The following IL3RA variants were observed in gnomAD, a reference collection of about 807,000 sequenced individuals.
The protein encoded by IL3RA is interleukin-3 receptor subunit alpha.
A neutral mutation model predicts 52.3 loss-of-function variants in IL3RA; 73 were observed. The ratio of observed to expected loss-of-function variants is 1.40; its 90% CI spans 1.16 to 1.70. The LOEUF is 1.70. IL3RA is among the 40% of genes most tolerant of loss of function. The pLI is 0.00. For missense variants in IL3RA, 664 were observed against 504.4 expected, an observed-to-expected ratio of 1.32 and a Z score of -3.03; for synonymous variants, 260 against 194.0, an observed-to-expected ratio of 1.34 and a Z score of -2.83.
intron 2 of IL3RA, among the ~76,000 whole-genome samples, chrX:1,344,104 T>G (rs1330857829): frequency 6.6e-6 from 1 of 151,998 alleles, no homozygotes; most frequent in East Asian, 1.9e-4. Context: ...GCTTTATGAC[T>G]TCTACCAGCT....
intron 11 of IL3RA, among the ~76,000 whole-genome samples, chrX:1,381,839 G>A (rs2089191342): frequency 6.6e-6 from 1 of 151,784 alleles, no homozygotes; most frequent in Non-Finnish European, 1.5e-5. Flanking sequence ...ACCATGCCCA[G>A]CCTAGTTTTC....
At chrX:1,352,703 C>T (rs1282806955) in intron 6 of IL3RA, among the ~76,000 whole-genome samples, 197 bp downstream of exon 6, 1 of 152,136 alleles carries the variant, frequency 6.6e-6, no homozygotes, top group East Asian at 1.9e-4. Context: ...GAGAGAGGGT[C>T]ATCTTCTCAC....
chrX:1,348,692 T>TTTCTC (rs2085921218), intron 4 of IL3RA, 147 bp downstream of exon 4: 3 of 280,480 alleles, frequency 1.1e-5, no homozygotes, highest in Non-Finnish European at 2.1e-5. Flanking sequence ...CTTTCTTTCT[T>TTTCTC]TTTCTTTCTT....
chrX:1,349,199 T>TTA (rs1211556898), intron 4 of IL3RA, among the ~76,000 whole-genome samples: 7 of 151,168 alleles, frequency 4.6e-5, no homozygotes, highest in Non-Finnish European at 1.0e-4. Flanking sequence ...TTTTTTTTTT[T>TTA]TAGACAGAGT....
intron 3 of IL3RA, among the ~76,000 whole-genome samples, chrX:1,347,400 G>A (rs866864194): frequency 7.9e-5 from 12 of 151,470 alleles, no homozygotes; most frequent in Admixed American, 3.9e-4. Context: ...AGCCGAGATC[G>A]CGCCACTGCA....
At chrX:1,342,128 T>G (rs778629013) in intron 2 of IL3RA, among the ~76,000 whole-genome samples, 1 of 152,194 alleles carries the variant, frequency 6.6e-6, no homozygotes, top group Admixed American at 6.6e-5. Context: ...AATAACAATT[T>G]CCAGTTTCCT....
intron 8 of IL3RA, among the ~76,000 whole-genome samples, chrX:1,360,621 C>A (rs1215871263): frequency 1.3e-5 from 2 of 151,938 alleles, no homozygotes; most frequent in Non-Finnish European, 2.9e-5. Context: ...CAGGTTCAAG[C>A]GAATCTACTC....
Position 1,354,878 on chromosome X carries a change from TGAG to T in IL3RA, c.617-1334_617-1332del, listed in dbSNP as rs369034801. 5.8e-3 allele frequency among the ~76,000 whole-genome samples: 59 copies of T among 10,094 alleles called. 2 individuals are homozygous for T. Among genetic ancestry groups the T allele is most frequent in the African/African-American group, 0.027 (54 of 1,964 alleles). The allele number at this position is 10,094 out of a possible 152,430, so 6.6% of individuals were successfully genotyped here. A position where few individuals can be genotyped will look rare whatever the true frequency, so the allele number is the denominator to read the frequency against. On this transcript the variant is annotated intron_variant, in intron 6 of 11. Coordinates refer to ENST00000331035, the MANE Select transcript of IL3RA (RefSeq NM_002183.4). ...AGGCGGGGGAGGGAAGAGAAGGAGG[TGAG>T]GAGGAGGAAGGGGAGGATAGAGAAG...
At chrX:1,347,780 T>A (rs1282531259) in intron 3 of IL3RA, among the ~76,000 whole-genome samples, 1 of 151,974 alleles carries the variant, frequency 6.6e-6, no homozygotes, top group African/African-American at 2.4e-5. Context: ...GGCTCACGCC[T>A]GTCATCCCAG....
chrX:1,365,180 T>C lies in IL3RA; in HGVS notation c.802T>C (p.Tyr268His), dbSNP rs745497553. The C allele has an allele frequency of 6.2e-7, 1 of 1,611,250 alleles. No individual in the cohort carries two copies. Among genetic ancestry groups the C allele is most frequent in the East Asian group, 2.2e-5 (1 of 44,816 alleles). ...CTTCCAGCTACTCAATCCTGGAACG[T>C]ACACAGTACAAATAAGAGCCCGGGA... is the stretch of plus-strand genomic sequence containing the variant. ...TSFQLLNPGT[Y>H]TVQIRARERV... The change falls in exon 9 of 12, where the codon TAC becomes CAC. Residue 268 changes from tyrosine to histidine, a missense_variant. Tyr to His is a moderately conservative substitution (Grantham distance 83, BLOSUM62 2). Coordinates refer to ENST00000331035, the MANE Select transcript of IL3RA (RefSeq NM_002183.4).
At chrX:1,343,427 G>A (rs751872658) in intron 2 of IL3RA, among the ~76,000 whole-genome samples, 6 of 152,058 alleles carry the variant, frequency 3.9e-5, no homozygotes, top group African/African-American at 1.4e-4. Context: ...CACTTTGGGA[G>A]GCTGAGGCGG....
chrX:1,368,369 G>A (rs1249835744), intron 9 of IL3RA, among the ~76,000 whole-genome samples: 2 of 152,024 alleles, frequency 1.3e-5, no homozygotes, highest in East Asian at 3.9e-4. Context: ...TAGATCACCT[G>A]AGGTCAGGAG....
chrX:1,356,926 C>G (rs759099823), intron 7 of IL3RA, among the ~76,000 whole-genome samples: 1 of 151,864 alleles, frequency 6.6e-6, no homozygotes, highest in African/African-American at 2.4e-5. Flanking sequence ...TATTTTTGAT[C>G]CACAGTTCGT....
Position 1,358,973 on chromosome X carries a change from TTAA to T in IL3RA, c.759+91_759+93del, listed in dbSNP as rs1207383228. 3.6e-5 allele frequency: 32 copies of T among 880,058 alleles called. No homozygotes were observed. The South Asian group carries it at 3.9e-4, about 11-fold the overall frequency. 54.5% of individuals were successfully genotyped at this position (880,058 alleles called of 1,614,324 possible). A position where few individuals can be genotyped will look rare whatever the true frequency, so the allele number is the denominator to read the frequency against. On this transcript the variant is annotated intron_variant, in intron 8 of 11. Coordinates refer to ENST00000331035, the MANE Select transcript of IL3RA (RefSeq NM_002183.4). Reference sequence around the variant, plus strand: ...ATTAAGAATAAAATGATAAAAAATATTAATAATTCTTATTAATAAAATAATGAA... The same window carrying T: ...ATTAAGAATAAAATGATAAAAAATATTAATTCTTATTAATAAAATAATGAA...
chrX:1,364,311 G>C (rs1481270842), intron 8 of IL3RA, among the ~76,000 whole-genome samples: 1 of 151,662 alleles, frequency 6.6e-6, no homozygotes, highest in Admixed American at 6.6e-5. Flanking sequence ...GACCAACATG[G>C]AGAAACCCCG....
At chrX:1,352,272 G>A (rs750447779) in intron 5 of IL3RA, 40 bp downstream of exon 5, 2 of 1,613,038 alleles carry the variant, frequency 1.2e-6, no homozygotes, top group African/African-American at 2.7e-5. Context: ...TGTCCCTGGT[G>A]CGGGTGCCAT....
At chrX:1,351,714 T>C (rs1332996988) in intron 4 of IL3RA, among the ~76,000 whole-genome samples, 2 of 150,194 alleles carry the variant, frequency 1.3e-5, no homozygotes, top group Non-Finnish European at 3.0e-5. Context: ...ATGCAACCTC[T>C]GCCTCCTGGG....
chrX:1,367,934 C>T (rs1336918366), intron 9 of IL3RA, among the ~76,000 whole-genome samples: 58 of 152,108 alleles, frequency 3.8e-4, no homozygotes, highest in African/African-American at 1.3e-3. Context: ...CGACGGTGAA[C>T]TCACAGCTTG....
chrX:1,359,816 C>T (rs191785994), intron 8 of IL3RA, among the ~76,000 whole-genome samples: 3,223 of 149,028 alleles, frequency 0.022, 119 homozygotes, highest in African/African-American at 0.077. Context: ...CTTTCTCTCT[C>T]TCTCTCTCTC....
Sources: gnomAD v4.1 joint callset for allele counts (sites outside exome capture counted in the v4.1 genomes callset) on GRCh38, gnomAD v4.1.1 for gene constraint, MANE v1.5 for transcripts, NCBI Gene and HGNC (gene_info 2026-07-23, HGNC 2026-07-21) for gene names.